The following DGKI variants were observed in gnomAD, a reference collection of about 807,000 sequenced individuals.
The protein encoded by DGKI is diacylglycerol kinase iota, also known as DAG kinase iota.
A neutral mutation model predicts 147.5 loss-of-function variants in DGKI; 55 were observed. The ratio of observed to expected loss-of-function variants is 0.37; its 90% CI spans 0.30 to 0.47. The LOEUF (loss-of-function observed/expected upper bound fraction) is 0.47, where lower values mean the gene tolerates loss of function less well. Among genes scored for constraint, DGKI ranks in the 20% least tolerant of loss-of-function variants. The pLI is 1.00. For missense variants in DGKI, 1,007 were observed against 1,323.8 expected, an observed-to-expected ratio of 0.76 and a Z score of 3.71; for synonymous variants, 469 against 477.1, an observed-to-expected ratio of 0.98 and a Z score of 0.22.
chr7:137,686,737 C>G (rs936578586), intron 2 of DGKI, among the ~76,000 whole-genome samples: 12 of 152,310 alleles, frequency 7.9e-5, no homozygotes, highest in Admixed American at 7.8e-4. Context: ...ATAGTCTATG[C>G]GCACTAAATC....
At chr7:137,706,852 G>A (rs373464952) in intron 1 of DGKI, among the ~76,000 whole-genome samples, 253 of 152,164 alleles carry the variant, frequency 1.7e-3, no homozygotes, top group African/African-American at 5.7e-3. Flanking sequence ...GATTACAGGC[G>A]TGAGCCACCA....
At chr7:137,401,021 A>C (rs1811738071) in intron 30 of DGKI, among the ~76,000 whole-genome samples, 1 of 152,144 alleles carries the variant, frequency 6.6e-6, no homozygotes, top group African/African-American at 2.4e-5. Context: ...GGAGTTACAG[A>C]GAGTGGATGC....
At chr7:137,722,798 T>C (rs1345865633) in intron 1 of DGKI, 1 of 1,321,350 alleles carries the variant, frequency 7.6e-7, no homozygotes, top group East Asian at 2.3e-5. Flanking sequence ...CAGGGCTACC[T>C]GTGATCTGTG....
At chr7:137,462,652 T>C (rs1278066201) in intron 27 of DGKI, among the ~76,000 whole-genome samples, 2 of 152,230 alleles carry the variant, frequency 1.3e-5, no homozygotes, top group Non-Finnish European at 2.9e-5. Context: ...CTTGTTATTC[T>C]GTCAAAAGAC....
intron 23 of DGKI, among the ~76,000 whole-genome samples, chr7:137,477,882 A>G (rs774679058): frequency 6.6e-6 from 1 of 152,116 alleles, no homozygotes; most frequent in Non-Finnish European, 1.5e-5. Context: ...ACTGGTCTCA[A>G]ACTGCTGGGC....
intron 1 of DGKI, among the ~76,000 whole-genome samples, chr7:137,790,186 G>A (rs917395189): frequency 6.6e-6 from 1 of 150,776 alleles, no homozygotes; most frequent in Non-Finnish European, 1.5e-5. Context: ...ATAGTTTGCC[G>A]ACTCTTTATT....
intron 14 of DGKI, 21 bp downstream of exon 14, chr7:137,585,188 C>T: frequency 6.2e-7 from 1 of 1,613,514 alleles, no homozygotes; most frequent in Non-Finnish European, 8.5e-7. Flanking sequence ...CTCCTTTCTG[C>T]AGAACAAAAA....
At chr7:137,516,144 G>GA (rs943469009) in intron 21 of DGKI, among the ~76,000 whole-genome samples, 7 of 151,618 alleles carry the variant, frequency 4.6e-5, no homozygotes, top group South Asian at 2.1e-4. Context: ...TATTGATAGG[G>GA]AAAAAAAATC....
At chr7:137,802,878 A>T (rs936802191) in intron 1 of DGKI, among the ~76,000 whole-genome samples, 1 of 152,202 alleles carries the variant, frequency 6.6e-6, no homozygotes, top group South Asian at 2.1e-4. Flanking sequence ...ACTGATGTTC[A>T]TTAATACAAT....
chr7:137,702,458 C>T (rs530101060), intron 1 of DGKI, among the ~76,000 whole-genome samples: 1 of 152,280 alleles, frequency 6.6e-6, no homozygotes, highest in Admixed American at 6.5e-5. Flanking sequence ...GCAGTAAAAA[C>T]AACGGCAATA....
chr7:137,794,998 C>T (rs1303702120), intron 1 of DGKI, among the ~76,000 whole-genome samples: 1 of 152,098 alleles, frequency 6.6e-6, no homozygotes, highest in Non-Finnish European at 1.5e-5. Flanking sequence ...AAACAACTTC[C>T]TAGTCTGATA....
chr7:137,420,479 G>C (rs1254036521), intron 28 of DGKI, among the ~76,000 whole-genome samples: 1 of 152,080 alleles, frequency 6.6e-6, no homozygotes, highest in Non-Finnish European at 1.5e-5. Context: ...GTTGGGAAAG[G>C]GGTATAATCA....
chr7:137,846,651 C>A lies in DGKI; in HGVS notation c.212G>T (p.Ser71Ile). 1 of 1,068,720 alleles carries A rather than the reference C, an allele frequency of 9.4e-7. No individual in the cohort carries two copies. Among genetic ancestry groups the A allele is most frequent in the Non-Finnish European group, 1.1e-6 (1 of 884,124 alleles). 66.2% of individuals were successfully genotyped at this position (1,068,720 alleles called of 1,614,324 possible). A position where few individuals can be genotyped will look rare whatever the true frequency, so the allele number is the denominator to read the frequency against. ...GCAGCTCCCGGCGCCGCTTCCGCTG[C>A]TGCTGCTGCCGCCCGTCGCCCCTTT... Reference protein sequence around the residue: ...EEKGATGGSSSSGSGAGSCCL... With the variant: ...EEKGATGGSSISGSGAGSCCL... The change falls in exon 1 of 33, where the codon AGC becomes ATC. Residue 71 changes from serine to isoleucine, a missense_variant. Around this residue, in one of 5 missense-constraint regions of DGKI, gnomAD observed 137 missense variants for 114.4 expected, o/e 1.20. Coordinates refer to ENST00000614521, the MANE Select transcript of DGKI (RefSeq NM_001321708.2). This position sits in a 1 kb window ranked among gnomAD's most constrained non-coding sequence, Gnocchi z 4.0.
At chr7:137,422,551 C>T (rs997343349) in intron 28 of DGKI, among the ~76,000 whole-genome samples, 2 of 148,552 alleles carry the variant, frequency 1.3e-5, no homozygotes, top group Non-Finnish European at 3.0e-5. Flanking sequence ...CAAAAAAAAC[C>T]AGGGAGGAGT....
chr7:137,676,681 T>C (rs1823049608), intron 3 of DGKI, among the ~76,000 whole-genome samples: 1 of 152,226 alleles, frequency 6.6e-6, no homozygotes, highest in African/African-American at 2.4e-5. Context: ...AGAAGGAAAC[T>C]GGGAACGTTC....
intron 3 of DGKI, among the ~76,000 whole-genome samples, chr7:137,670,291 C>T (rs970151618): frequency 6.6e-6 from 1 of 152,224 alleles, no homozygotes; most frequent in African/African-American, 2.4e-5. Context: ...CCTACATATA[C>T]TATCACTATC....
At chr7:137,476,887 C>T (rs1815190393) in intron 23 of DGKI, among the ~76,000 whole-genome samples, 1 of 152,198 alleles carries the variant, frequency 6.6e-6, no homozygotes, top group African/African-American at 2.4e-5. Flanking sequence ...CAGGGTTTTA[C>T]AGCTTCTAGA....
chr7:137,786,559 A>G (rs190611733), intron 1 of DGKI, among the ~76,000 whole-genome samples: 1 of 152,210 alleles, frequency 6.6e-6, no homozygotes, highest in Admixed American at 6.5e-5. Flanking sequence ...AAATCCACAA[A>G]TTTAATGCAA....
intron 1 of DGKI, among the ~76,000 whole-genome samples, chr7:137,818,930 T>C (rs778703094): frequency 3.3e-5 from 5 of 152,182 alleles, no homozygotes; most frequent in Non-Finnish European, 7.3e-5. Flanking sequence ...ATAATGTTTT[T>C]CCCCTCAAAT....
Sources: allele counts gnomAD v4.1 joint callset (sites outside exome capture counted in the v4.1 genomes callset), GRCh38; gene constraint gnomAD v4.1.1; regional missense constraint gnomAD v4.1.1; non-coding constraint Gnocchi (gnomAD v3.1); transcripts MANE v1.5; gene names NCBI Gene and HGNC (gene_info 2026-07-23, HGNC 2026-07-21).